The following SPATA18 variants were observed in gnomAD, a reference collection of about 807,000 sequenced individuals.
The protein encoded by SPATA18 is spermatogenesis associated 18, also known as mitochondria-eating protein.
Under a neutral mutation model 68.1 loss-of-function variants are expected in SPATA18, and 54 were observed. That is an observed-to-expected ratio of 0.79 (90% CI 0.64 to 0.99). SPATA18 has a LOEUF of 0.99. SPATA18 is among the 50% of genes least tolerant of loss of function. The pLI is 0.00. For synonymous variants in SPATA18, 242 were observed against 244.8 expected, an observed-to-expected ratio of 0.99 and a Z score of 0.11; for missense variants, 724 against 681.1, an observed-to-expected ratio of 1.06 and a Z score of -0.70.
At chr4:52,078,155 A>G (rs980753951) in intron 7 of SPATA18, among the ~76,000 whole-genome samples, 4 of 152,062 alleles carry the variant, frequency 2.6e-5, no homozygotes. Flanking sequence ...CATGCATACA[A>G]TATTTGCTGT....
At chr4:52,081,023 C>T (rs531270955) in intron 9 of SPATA18, among the ~76,000 whole-genome samples, 5 of 152,322 alleles carry the variant, frequency 3.3e-5, no homozygotes, top group African/African-American at 9.6e-5. Flanking sequence ...TCTAGTTTCT[C>T]CAACATGGAT....
At chr4:52,081,072 A>C (rs1362568617) in intron 9 of SPATA18, among the ~76,000 whole-genome samples, 1 of 152,218 alleles carries the variant, frequency 6.6e-6, no homozygotes, top group Non-Finnish European at 1.5e-5. Flanking sequence ...ATTACACTGC[A>C]GTTGGGTCTT....
At chr4:52,083,385 A>G (rs979264581) in intron 10 of SPATA18, 25 of 985,304 alleles carry the variant, frequency 2.5e-5, no homozygotes, top group Non-Finnish European at 2.9e-5. Flanking sequence ...AAAAGAACTG[A>G]AGAAAAGGGT....
chr4:52,087,878 G>T (rs908171694), intron 11 of SPATA18, among the ~76,000 whole-genome samples: 2 of 152,108 alleles, frequency 1.3e-5, no homozygotes, highest in African/African-American at 2.4e-5. Flanking sequence ...CCATTTTCAC[G>T]ATATTAACTC....
chr4:52,091,396 T>G (rs995750450), intron 11 of SPATA18, among the ~76,000 whole-genome samples: 6 of 152,342 alleles, frequency 3.9e-5, no homozygotes, highest in African/African-American at 1.4e-4. Context: ...TTCAGCCTTT[T>G]TGTGCTGGTT....
chr4:52,058,952 G>A (rs1005313777), intron 1 of SPATA18, among the ~76,000 whole-genome samples: 8 of 152,180 alleles, frequency 5.3e-5, no homozygotes, highest in African/African-American at 1.9e-4. Context: ...AATTAGCTGA[G>A]TTTATATATG....
At chr4:52,090,973 A>C (rs991576618) in intron 11 of SPATA18, among the ~76,000 whole-genome samples, 1 of 151,908 alleles carries the variant, frequency 6.6e-6, no homozygotes, top group Non-Finnish European at 1.5e-5. Flanking sequence ...TATTTCTTGG[A>C]GGCTTTGTTT....
rs530124050 is a variant in SPATA18, at chr4:52,097,248, T to A, written c.*2361T>A. 1 of 152,314 alleles carries A rather than the reference T, an allele frequency of 6.6e-6. No homozygotes were observed. The highest frequency in any genetic ancestry group is 2.4e-5 in the African/African-American group (1 of 41,576). The allele number at this position is 152,314 out of a possible 1,614,324, so 9.4% of individuals were successfully genotyped here. A position where few individuals can be genotyped will look rare whatever the true frequency, so the allele number is the denominator to read the frequency against. On this transcript the variant is annotated 3_prime_UTR_variant, in exon 13 of 13. Transcript: ENST00000295213. ...TCTAATAATAACATTTAAAAAGTGC[T>A]TTTGTAACTATTAGTTATTTGCAAT... is the stretch of plus-strand genomic sequence containing the variant.
At chr4:52,077,374 T>C (rs573211014) in intron 7 of SPATA18, among the ~76,000 whole-genome samples, 72 of 143,524 alleles carry the variant, frequency 5.0e-4, no homozygotes, top group Non-Finnish European at 9.6e-4. Flanking sequence ...CTCTTCCTCC[T>C]TCTTTCCTTC....
chr4:52,062,682 T>A (rs1182655494), intron 4 of SPATA18, among the ~76,000 whole-genome samples: 1 of 151,954 alleles, frequency 6.6e-6, no homozygotes, highest in Non-Finnish European at 1.5e-5. Flanking sequence ...GAAAAATTTT[T>A]AAAAAGATGT....
chr4:52,058,017 T>A (rs1366658932), intron 1 of SPATA18, among the ~76,000 whole-genome samples: 1 of 152,220 alleles, frequency 6.6e-6, no homozygotes, highest in African/African-American at 2.4e-5. Flanking sequence ...GCACATGGAA[T>A]GATCTAGCCA....
chr4:52,091,556 T>A (rs1329132441), intron 11 of SPATA18, among the ~76,000 whole-genome samples: 2 of 152,210 alleles, frequency 1.3e-5, no homozygotes, highest in Non-Finnish European at 2.9e-5. Context: ...TGGAGTTTAC[T>A]GAAAGTCCAC....
At chr4:52,083,203 T>C in intron 10 of SPATA18, 2 of 985,364 alleles carry the variant, frequency 2.0e-6, no homozygotes, top group Non-Finnish European at 2.4e-6. Flanking sequence ...TAGTTTATGT[T>C]ATGTAGTTTT....
intron 1 of SPATA18, among the ~76,000 whole-genome samples, chr4:52,054,482 C>T (rs1387054204): frequency 6.6e-6 from 1 of 152,148 alleles, no homozygotes; most frequent in Non-Finnish European, 1.5e-5. Flanking sequence ...GGGTTGGCCA[C>T]ATGTATACAT....
intron 6 of SPATA18, among the ~76,000 whole-genome samples, chr4:52,075,299 T>C (rs1360136544): frequency 2.6e-5 from 4 of 152,198 alleles, no homozygotes; most frequent in Admixed American, 6.5e-5. Context: ...CTTGGGGTTA[T>C]TGGCTAATGA....
At chr4:52,085,927 A>T (rs111588831) in intron 11 of SPATA18, among the ~76,000 whole-genome samples, 76 of 152,118 alleles carry the variant, frequency 5.0e-4, no homozygotes, top group Admixed American at 1.9e-3. Context: ...AAAGAAAACA[A>T]AACTCCCCAA....
chr4:52,071,937 A>G lies in SPATA18; in HGVS notation c.539A>G (p.Gln180Arg). ...LKKQLKSLQA[Q>R]EDARHRNTDQ... is the part of the protein sequence containing the mutation. Reference sequence around the variant, plus strand: ...TTCAGGCTTAAATCTCTTCAAGCTCAGGAGGATGCCCGCCACAGAAACACA... The same window carrying G: ...TTCAGGCTTAAATCTCTTCAAGCTCGGGAGGATGCCCGCCACAGAAACACA... Residue 180 changes from glutamine (Q) to arginine (R), a missense_variant, in exon 6 of 13, where the codon CAG becomes CGG. Physicochemically the swap from Gln to Arg is conservative, Grantham distance 43. Transcript: ENST00000295213. 1 of 1,613,460 alleles carries G rather than the reference A, an allele frequency of 6.2e-7. No homozygotes were observed. The highest frequency in any genetic ancestry group is 8.5e-7 in the Non-Finnish European group (1 of 1,179,974).
At chr4:52,071,843 T>C in intron 5 of SPATA18, 74 bp from the exon 6 acceptor site, 2 of 1,474,750 alleles carry the variant, frequency 1.4e-6, no homozygotes, top group Non-Finnish European at 1.8e-6. Context: ...TGCTGCTTAT[T>C]ACCTTTCCTT....
chr4:52,078,942 T>G, intron 8 of SPATA18, 49 bp downstream of exon 8: 1 of 1,496,902 alleles, frequency 6.7e-7, no homozygotes, highest in Non-Finnish European at 9.1e-7. Context: ...GCTGCTGCAG[T>G]TTATATTGAG....
Sources: allele counts gnomAD v4.1 joint callset (sites outside exome capture counted in the v4.1 genomes callset), GRCh38; gene constraint gnomAD v4.1.1; transcripts MANE v1.5; gene names NCBI Gene and HGNC (gene_info 2026-07-23, HGNC 2026-07-21).